The following ASCC3 variants were observed in gnomAD, a reference collection of about 807,000 sequenced individuals.
ASCC3 encodes activating signal cointegrator 1 complex subunit 3, also known as ASC-1 complex subunit P200.
Under a neutral mutation model 256.3 loss-of-function variants are expected in ASCC3, and 158 were observed. The observed-to-expected ratio is 0.62, with a 90% CI of 0.54 to 0.70. ASCC3 has a LOEUF of 0.70. Among genes scored for constraint, ASCC3 ranks in the 30% least tolerant of loss-of-function variants. The probability of loss-of-function intolerance (pLI) is 0.00; values close to 1 mark genes in which losing one functional copy is unlikely to be tolerated. For synonymous variants in ASCC3, 948 were observed against 883.4 expected (o/e 1.07, Z -1.30); for missense variants, 2,259 against 2,626.0 (o/e 0.86, Z 3.05).
chr6:100,645,362 T>C (rs184421808), intron 22 of ASCC3, among the ~76,000 whole-genome samples: 2 of 151,810 alleles, frequency 1.3e-5, no homozygotes, highest in African/African-American at 4.8e-5. Flanking sequence ...TTATTATTAT[T>C]ATAATAATAA....
chr6:100,543,023 G>A (rs150693598), intron 36 of ASCC3, among the ~76,000 whole-genome samples: 2 of 152,234 alleles, frequency 1.3e-5, no homozygotes, highest in East Asian at 1.9e-4. Flanking sequence ...CATAATTAGA[G>A]TTTATTATCT....
chr6:100,678,918 T>A (rs1454260586), intron 14 of ASCC3, among the ~76,000 whole-genome samples: 6 of 152,190 alleles, frequency 3.9e-5, no homozygotes, highest in African/African-American at 1.4e-4. Context: ...ATCTGCCCAA[T>A]CTTCATGTAA....
At chr6:100,632,371 A>G (rs1204312809) in intron 25 of ASCC3, among the ~76,000 whole-genome samples, 2 of 152,080 alleles carry the variant, frequency 1.3e-5, no homozygotes. Flanking sequence ...GGAATAATTA[A>G]TATTGTTGAA....
At chr6:100,828,091 C>CTAA (rs1554239572) in intron 4 of ASCC3, among the ~76,000 whole-genome samples, 1 of 19,606 alleles carries the variant, frequency 5.1e-5, no homozygotes, top group Admixed American at 5.6e-4. Context: ...ACAGTATTTT[C>CTAA]TAAAAAAAAA....
At chr6:100,586,084 T>TGC (rs747918930) in intron 36 of ASCC3, among the ~76,000 whole-genome samples, 12 of 152,160 alleles carry the variant, frequency 7.9e-5, no homozygotes, top group Non-Finnish European at 1.6e-4. Flanking sequence ...TCCAGCTGCG[T>TGC]GCTGGGAGAA....
chr6:100,669,203 T>C (rs1012710763), intron 14 of ASCC3, among the ~76,000 whole-genome samples: 2 of 150,036 alleles, frequency 1.3e-5, no homozygotes, highest in African/African-American at 4.8e-5. Context: ...ATATTTTTTA[T>C]ATTACATATT....
intron 36 of ASCC3, among the ~76,000 whole-genome samples, chr6:100,543,828 G>A (rs898799709): frequency 6.6e-6 from 1 of 151,974 alleles, no homozygotes; most frequent in Non-Finnish European, 1.5e-5. Context: ...CAAGAATATA[G>A]AATTGAACAA....
At chr6:100,571,389 C>A (rs770621939) in intron 36 of ASCC3, among the ~76,000 whole-genome samples, 1 of 152,048 alleles carries the variant, frequency 6.6e-6, no homozygotes, top group Non-Finnish European at 1.5e-5. Context: ...TGATTATTAC[C>A]GTGTTTTCCC....
At position 100,604,065 on chromosome 6, in the gene ASCC3, T is replaced by C. The variant is rs1039165843; in HGVS notation, c.5177+1503A>G. 2.0e-5 allele frequency among the ~76,000 whole-genome samples: 3 copies of C among 152,130 alleles called. No individual in the cohort carries two copies. In the South Asian group the frequency reaches 6.2e-4, roughly 32 times the overall value. On this transcript the variant is annotated intron_variant, in intron 33 of 41. Coordinates refer to ENST00000369162, the MANE Select transcript of ASCC3 (RefSeq NM_006828.4). Reference sequence around the variant, plus strand: ...CCATTGAAGCTTCTGGGTCAGAAGATTTCATTCTAAAAGATTTTAAATTTC... The same window carrying C: ...CCATTGAAGCTTCTGGGTCAGAAGACTTCATTCTAAAAGATTTTAAATTTC...
intron 10 of ASCC3, among the ~76,000 whole-genome samples, chr6:100,750,611 C>T (rs923044771): frequency 1.3e-5 from 2 of 151,636 alleles, no homozygotes; most frequent in African/African-American, 4.8e-5. Context: ...ATAAGATTCT[C>T]ACTAACCAGA....
chr6:100,609,985 A>G (rs1773310576), intron 30 of ASCC3, among the ~76,000 whole-genome samples: 1 of 152,216 alleles, frequency 6.6e-6, no homozygotes, highest in South Asian at 2.1e-4. Context: ...AGAGGATAAC[A>G]TAAGGCACAG....
chr6:100,607,955 T>C (rs975559854), intron 30 of ASCC3, among the ~76,000 whole-genome samples: 4 of 147,464 alleles, frequency 2.7e-5, no homozygotes, highest in African/African-American at 5.0e-5. Flanking sequence ...TTTTTTCTAA[T>C]TGGCTTGTGA....
At chr6:100,627,475 A>G (rs967838798) in intron 29 of ASCC3, 115 bp downstream of exon 29, 1 of 1,337,982 alleles carries the variant, frequency 7.5e-7, no homozygotes, top group Non-Finnish European at 1.1e-6. Flanking sequence ...AGTTTTAGAT[A>G]TACGTAGAAG....
intron 13 of ASCC3, among the ~76,000 whole-genome samples, chr6:100,692,155 T>A (rs1256030460): frequency 6.6e-6 from 1 of 152,068 alleles, no homozygotes; most frequent in Non-Finnish European, 1.5e-5. Context: ...GAACTACTAT[T>A]TACATATAAC....
Position 100,848,555 on chromosome 6 carries a change from T to G in ASCC3, c.394A>C (p.Asn132His). Residue 132 changes from asparagine (N) to histidine (H), a missense_variant, in exon 4 of 42, where the codon AAT becomes CAT. By Grantham distance (68) the Asn-to-His change is moderately conservative. Coordinates refer to ENST00000369162, the MANE Select transcript of ASCC3 (RefSeq NM_006828.4). ...TGAGAAATAATTCGATTAGTAGCAT[T>G]ACAAGCTGCAGTGGCAGATGATGAA... ...FPSSSATAAC[N>H]ATNRIISHFS... 6.2e-7 allele frequency: 1 copy of G among 1,614,132 alleles called. No homozygotes were observed.
At chr6:100,723,081 A>G (rs1230638954) in intron 11 of ASCC3, among the ~76,000 whole-genome samples, 2 of 151,694 alleles carry the variant, frequency 1.3e-5, no homozygotes, top group Non-Finnish European at 3.0e-5. Flanking sequence ...TTCAAATTCC[A>G]TTTCGTTTTT....
chr6:100,844,892 G>A (rs1772316323), intron 4 of ASCC3, among the ~76,000 whole-genome samples: 1 of 151,972 alleles, frequency 6.6e-6, no homozygotes, highest in Non-Finnish European at 1.5e-5. Context: ...ATCTTAAACA[G>A]GTCTAAAACA....
At chr6:100,840,185 C>T (rs965157006) in intron 4 of ASCC3, among the ~76,000 whole-genome samples, 3 of 152,070 alleles carry the variant, frequency 2.0e-5, no homozygotes, top group African/African-American at 7.2e-5. Flanking sequence ...GATATATACC[C>T]ACAAATTAAA....
intron 4 of ASCC3, among the ~76,000 whole-genome samples, chr6:100,838,343 TAGC>T (rs1201168856): frequency 6.6e-6 from 1 of 152,042 alleles, no homozygotes; most frequent in African/African-American, 2.4e-5. Context: ...TAATTATAAA[TAGC>T]AGATAATGTT....
Sources: gnomAD v4.1 joint callset for allele counts (sites outside exome capture counted in the v4.1 genomes callset) on GRCh38, gnomAD v4.1.1 for gene constraint, MANE v1.5 for transcripts, NCBI Gene and HGNC (gene_info 2026-07-23, HGNC 2026-07-21) for gene names.